Variants in SIPA1L3 observed in about 807,000 individuals in gnomAD.
SIPA1L3 encodes the protein signal-induced proliferation-associated 1-like protein 3.
Under a neutral mutation model 150.1 loss-of-function variants are expected in SIPA1L3, and 59 were observed. The ratio of observed to expected loss-of-function variants is 0.39; its 90% CI spans 0.32 to 0.49. The LOEUF (loss-of-function observed/expected upper bound fraction) is 0.49, where lower values mean the gene tolerates loss of function less well. Among genes scored for constraint, SIPA1L3 ranks in the 20% least tolerant of loss-of-function variants. The pLI is 0.86. For missense variants in SIPA1L3, 2,211 were observed against 2,489.5 expected, an observed-to-expected ratio of 0.89 and a Z score of 2.38; for synonymous variants, 1,070 against 1,077.6, an observed-to-expected ratio of 0.99 and a Z score of 0.14.
At chr19:38,147,681 TG>T (rs1322129910) in intron 12 of SIPA1L3, among the ~76,000 whole-genome samples, 1 of 152,114 alleles carries the variant, frequency 6.6e-6, no homozygotes, top group Non-Finnish European at 1.5e-5. Flanking sequence ...AAGGCAAAAA[TG>T]GGGGAGTGCA....
At chr19:37,928,359 C>T (rs2145494905) in intron 1 of SIPA1L3, among the ~76,000 whole-genome samples, 1 of 152,176 alleles carries the variant, frequency 6.6e-6, no homozygotes, top group South Asian at 2.1e-4. Context: ...TCATTTGAGG[C>T]CAGGAGTTCG....
At chr19:38,012,155 C>T (rs1020305641) in intron 1 of SIPA1L3, among the ~76,000 whole-genome samples, 3 of 150,928 alleles carry the variant, frequency 2.0e-5, no homozygotes, top group Non-Finnish European at 4.4e-5. Context: ...GATGTGATCT[C>T]GGCTTGCTGC....
intron 9 of SIPA1L3, 143 bp from the exon 10 acceptor site, chr19:38,130,355 G>T: frequency 1.2e-6 from 1 of 809,836 alleles, no homozygotes. Context: ...TTCCCCCTGC[G>T]GGTCCCCTGC....
At chr19:38,108,617 C>A (rs897093397) in intron 7 of SIPA1L3, 2 of 152,216 alleles carry the variant, frequency 1.3e-5, no homozygotes, top group African/African-American at 2.4e-5. Flanking sequence ...CTTAGAGCTC[C>A]GTGGGACTCC....
Position 38,106,660 on chromosome 19 carries a change from G to C in SIPA1L3, c.2133+20G>C, listed in dbSNP as rs751364194. 2 of 1,561,154 alleles carry C rather than the reference G, an allele frequency of 1.3e-6. No homozygotes were observed. Among genetic ancestry groups the C allele is most frequent in the East Asian group, 4.5e-5 (2 of 44,614 alleles). On this transcript the variant is annotated intron_variant, in intron 7 of 21. Coordinates refer to ENST00000222345, the MANE Select transcript of SIPA1L3 (RefSeq NM_015073.3). ...CAGCAGGTCAGTGATTTTCAGCAGA[G>C]GCACGGCTGCCGGATGTTGGCTGCC...
At chr19:38,080,111 G>T (rs1221442510) in intron 2 of SIPA1L3, among the ~76,000 whole-genome samples, 2 of 152,084 alleles carry the variant, frequency 1.3e-5, no homozygotes, top group African/African-American at 4.8e-5. Context: ...AAAGTGATGG[G>T]CTCTGATTTA....
intron 10 of SIPA1L3, among the ~76,000 whole-genome samples, chr19:38,132,248 T>A (rs10423429): frequency 0.026 from 3,950 of 149,196 alleles, 166 homozygotes; most frequent in African/African-American, 0.092. Context: ...CTTTGTTTTT[T>A]AAACAGTTGT....
intron 4 of SIPA1L3, 47 bp downstream of exon 4, chr19:38,088,898 A>T: frequency 6.3e-7 from 1 of 1,598,424 alleles, no homozygotes; most frequent in Non-Finnish European, 8.6e-7. Context: ...ATAGCCACTC[A>T]CATCTCGAGC....
intron 19 of SIPA1L3, among the ~76,000 whole-genome samples, chr19:38,198,774 C>T (rs910547807): frequency 6.6e-6 from 1 of 152,226 alleles, no homozygotes; most frequent in Non-Finnish European, 1.5e-5. Context: ...GCTGCCATGA[C>T]GATTACACAA....
intron 1 of SIPA1L3, among the ~76,000 whole-genome samples, chr19:37,913,830 C>A (rs2046394849): frequency 6.6e-6 from 1 of 150,730 alleles, no homozygotes; most frequent in African/African-American, 2.4e-5. Context: ...TCCTGGCTAA[C>A]AAGGTGAAAC....
intron 20 of SIPA1L3, among the ~76,000 whole-genome samples, chr19:38,202,459 G>A (rs554364631): frequency 4.4e-4 from 67 of 151,972 alleles, no homozygotes; most frequent in Non-Finnish European, 8.1e-4. Flanking sequence ...GTGGTGGTGC[G>A]TGCCTGTAAT....
At chr19:38,158,247 T>TG (rs1340789314) in intron 13 of SIPA1L3, among the ~76,000 whole-genome samples, 2 of 151,270 alleles carry the variant, frequency 1.3e-5, no homozygotes, top group African/African-American at 2.4e-5. Flanking sequence ...AAAAAAAAAG[T>TG]GGAAACTGTC....
intron 2 of SIPA1L3, among the ~76,000 whole-genome samples, chr19:38,045,843 G>A (rs754459753): frequency 6.6e-6 from 1 of 152,094 alleles, no homozygotes; most frequent in Non-Finnish European, 1.5e-5. Context: ...AGCAGAGTGC[G>A]GGAAGGAAAA....
At position 38,182,573 on chromosome 19, in the gene SIPA1L3, A is replaced by G. The variant is rs558535707; in HGVS notation, c.4263A>G (p.Ala1421=). The G allele has an allele frequency of 6.8e-6, 11 of 1,614,160 alleles. No individual in the cohort carries two copies. The highest frequency in any genetic ancestry group is 7.6e-6 in the Non-Finnish European group (9 of 1,180,024). The part of the protein sequence containing the change: ...YPAQVYKTAS[A]ETPRPSQLAQ... Reference sequence around the variant, plus strand: ...CTCAGGTTTACAAAACTGCCAGTGCAGAGACTCCTCGGCCCTCCCAGCTGG... The same window carrying G: ...CTCAGGTTTACAAAACTGCCAGTGCGGAGACTCCTCGGCCCTCCCAGCTGG... The change falls in exon 16 of 22, where the codon GCA becomes GCG. Residue 1421 remains alanine (A), a synonymous_variant. Transcript: ENST00000222345.
chr19:38,130,838 C>G (rs1034676379), intron 10 of SIPA1L3, 66 bp downstream of exon 10: 2 of 1,510,610 alleles, frequency 1.3e-6, no homozygotes, highest in Admixed American at 3.8e-5. Context: ...ATGAGGCCTC[C>G]CTGGCACTGT....
rs111429865 is a variant in SIPA1L3, at chr19:38,135,215, C to G, written c.3143+4443C>G. Among the ~76,000 whole-genome samples, 298 of 152,324 alleles carry G rather than the reference C, an allele frequency of 2.0e-3. 3 individuals are homozygous for G. Among genetic ancestry groups the G allele is most frequent in the African/African-American group, 6.9e-3 (289 of 41,588 alleles). ...CTCACCTTCCTGAGTCGTGCTTGCT[C>G]TCTCTCCACTTGGTGGGGGACAGTT... On this transcript the variant is annotated intron_variant, in intron 10 of 21. Coordinates refer to ENST00000222345, the MANE Select transcript of SIPA1L3 (RefSeq NM_015073.3).
intron 1 of SIPA1L3, among the ~76,000 whole-genome samples, chr19:37,954,633 A>G (rs1313133629): frequency 1.3e-5 from 2 of 152,202 alleles, no homozygotes; most frequent in African/African-American, 2.4e-5. Context: ...GTAAACCCCT[A>G]GTGATAAGCA....
intron 2 of SIPA1L3, among the ~76,000 whole-genome samples, chr19:38,034,995 G>A (rs971296338): frequency 4.6e-5 from 7 of 152,296 alleles, no homozygotes; most frequent in African/African-American, 7.2e-5. Context: ...CTCCCCATCC[G>A]GTGAGGGAAG....
intron 2 of SIPA1L3, among the ~76,000 whole-genome samples, chr19:38,078,580 G>GCA (rs760869744): frequency 1.4e-5 from 2 of 145,986 alleles, no homozygotes; most frequent in African/African-American, 2.5e-5. Context: ...ACAGAGACAC[G>GCA]CACACACACA....
Sources: gnomAD v4.1 joint callset for allele counts (sites outside exome capture counted in the v4.1 genomes callset) on GRCh38, gnomAD v4.1.1 for gene constraint, MANE v1.5 for transcripts, NCBI Gene and HGNC (gene_info 2026-07-23, HGNC 2026-07-21) for gene names.